Variants in ITPK1 observed in about 807,000 individuals in gnomAD.
ITPK1 encodes inositol-tetrakisphosphate 1-kinase, also known as inositol 1,3,4-trisphosphate 5/6-kinase.
Under a neutral mutation model 45.3 loss-of-function variants are expected in ITPK1, and 21 were observed. The ratio of observed to expected loss-of-function variants is 0.46; its 90% CI spans 0.33 to 0.67. ITPK1 has a LOEUF of 0.67. Ranked by LOEUF, ITPK1 falls within the 30% of genes least tolerant of loss-of-function variation. The probability of loss-of-function intolerance (pLI) is 0.02; values close to 1 mark genes in which losing one functional copy is unlikely to be tolerated. For missense variants in ITPK1, 474 were observed against 573.5 expected, an observed-to-expected ratio of 0.83 and a Z score of 1.77; for synonymous variants, 258 against 253.6, an observed-to-expected ratio of 1.02 and a Z score of -0.16.
At position 92,940,249 on chromosome 14, in the gene ITPK1, A is replaced by C; in HGVS notation, c.*1312T>G. 3 of 986,542 alleles carry C rather than the reference A, an allele frequency of 3.0e-6. No individual in the cohort carries two copies. The highest frequency in any genetic ancestry group is 3.6e-6 in the Non-Finnish European group (3 of 830,706). 61.1% of individuals were successfully genotyped at this position (986,542 alleles called of 1,614,324 possible). A position where few individuals can be genotyped will look rare whatever the true frequency, so the allele number is the denominator to read the frequency against. ...AAGCCTTTTTCACTTTTTCAAAGTAAACTGCTATCTTAAGACACAAAAACA... is the reference window on the plus strand; with the variant it reads ...AAGCCTTTTTCACTTTTTCAAAGTACACTGCTATCTTAAGACACAAAAACA... On this transcript the variant is annotated 3_prime_UTR_variant, in exon 11 of 11. Transcript: ENST00000267615.
At chr14:93,099,447 C>A (rs554937206) in intron 2 of ITPK1, among the ~76,000 whole-genome samples, 1 of 152,158 alleles carries the variant, frequency 6.6e-6, no homozygotes, top group African/African-American at 2.4e-5. Context: ...ACAGCGACAG[C>A]GACAGTGGGG....
At chr14:93,104,489 A>C (rs2140028892) in intron 2 of ITPK1, among the ~76,000 whole-genome samples, 1 of 152,000 alleles carries the variant, frequency 6.6e-6, no homozygotes, top group East Asian at 1.9e-4. Context: ...GAACTCCTTG[A>C]TTTTCCTGAC....
chr14:93,092,670 G>A (rs1891909810), intron 2 of ITPK1, among the ~76,000 whole-genome samples: 2 of 152,232 alleles, frequency 1.3e-5, no homozygotes, highest in African/African-American at 4.8e-5. Context: ...CCAGTAGGTG[G>A]AGGCCAGGGA....
intron 2 of ITPK1, among the ~76,000 whole-genome samples, chr14:93,113,595 T>C (rs1443334059): frequency 1.3e-5 from 2 of 152,222 alleles, no homozygotes; most frequent in African/African-American, 2.4e-5. Context: ...TGTCTTAGAA[T>C]GCCCTTCCCA....
At position 93,076,700 on chromosome 14, in the gene ITPK1, A is replaced by T. The variant is rs1891235192; in HGVS notation, c.96-81T>A. ...TCCGAAGGTTCCCGACAGCCGGCTGAGGGCAGGACCATGAGAGGGTTTCAG... is the reference window on the plus strand; with the variant it reads ...TCCGAAGGTTCCCGACAGCCGGCTGTGGGCAGGACCATGAGAGGGTTTCAG... On this transcript the variant is annotated intron_variant, in intron 2 of 10. Coordinates refer to ENST00000267615, the MANE Select transcript of ITPK1 (RefSeq NM_014216.6). The surrounding 1 kb of genome is among the most constrained non-coding windows in gnomAD (Gnocchi z 4.3). 3 of 1,564,306 alleles carry T rather than the reference A, an allele frequency of 1.9e-6. No individual in the cohort carries two copies. Among genetic ancestry groups the T allele is most frequent in the Non-Finnish European group, 2.6e-6 (3 of 1,135,558 alleles).
At chr14:93,057,233 G>A (rs1374502016) in intron 3 of ITPK1, among the ~76,000 whole-genome samples, 1 of 152,192 alleles carries the variant, frequency 6.6e-6, no homozygotes, top group Non-Finnish European at 1.5e-5. Context: ...AATCCACCAC[G>A]CATACACAGG....
At chr14:93,015,085 G>C (rs1353239577) in intron 4 of ITPK1, among the ~76,000 whole-genome samples, 2 of 152,218 alleles carry the variant, frequency 1.3e-5, no homozygotes, top group Admixed American at 1.3e-4. Flanking sequence ...CAGGGGAGAG[G>C]AAAGTCGCTG....
At chr14:93,083,339 T>C (rs909071877) in intron 2 of ITPK1, among the ~76,000 whole-genome samples, 2 of 151,842 alleles carry the variant, frequency 1.3e-5, no homozygotes, top group African/African-American at 4.8e-5. Context: ...CCGCTCGGGG[T>C]CTCAGCTTTC....
rs764223283 is a variant in ITPK1 at position 92,946,484 on chromosome 14, T to C, written c.748A>G (p.Ile250Val). ...CTCGGCCGCTCGAACACGCCCTCGA[T>C]CTTGTCCAGCTGCCAACATACACAA... ...SSSVLTELDK[I>V]EGVFERPSDE... Residue 250 changes from isoleucine (I) to valine (V), a missense_variant, in exon 10 of 11, where the codon ATC becomes GTC. Physicochemically the swap from Ile to Val is conservative, Grantham distance 29 (BLOSUM62 3). This residue lies in a region of ITPK1 where 367 missense variants were observed against 480.6 expected (regional missense o/e 0.76). Transcript: ENST00000267615. 3 of 1,612,612 alleles carry C rather than the reference T, an allele frequency of 1.9e-6. No homozygotes were observed. Among genetic ancestry groups the C allele is most frequent in the South Asian group, 1.1e-5 (1 of 91,062 alleles).
At chr14:92,966,498 A>G (rs1349312281) in intron 5 of ITPK1, among the ~76,000 whole-genome samples, 1 of 152,244 alleles carries the variant, frequency 6.6e-6, no homozygotes, top group Non-Finnish European at 1.5e-5. Context: ...GAGATTTAAT[A>G]TTGTTAAGTG....
In ITPK1 at chr14:93,063,681, G is replaced by A. The variant is rs1890626930; in HGVS notation, c.120+12914C>T. On this transcript the variant is annotated intron_variant, in intron 3 of 10. Transcript: ENST00000267615. The surrounding 1 kb of genome is among the most constrained non-coding windows in gnomAD (Gnocchi z 4.3). ...GACTCTCACCAGGCAGGCAGTCTTC[G>A]GAGCAGAAGAGGCACTGGCTATGCC... 6.6e-6 allele frequency among the ~76,000 whole-genome samples: 1 copy of A among 152,152 alleles called. No individual in the cohort carries two copies.
chr14:93,050,209 C>T (rs1363679900), intron 3 of ITPK1, among the ~76,000 whole-genome samples: 3 of 152,122 alleles, frequency 2.0e-5, no homozygotes, highest in South Asian at 2.1e-4. Context: ...AAAGAAAGCC[C>T]GGCGGACACA....
At chr14:93,104,461 T>TTAAAAAAAAAA (rs1566788359) in intron 2 of ITPK1, among the ~76,000 whole-genome samples, 2 of 133,682 alleles carry the variant, frequency 1.5e-5, no homozygotes, top group African/African-American at 6.5e-5. Flanking sequence ...AAACTCCATC[T>TTAAAAAAAAAA]CAAAAAAAAA....
chr14:93,065,159 C>T (rs1405395352), intron 3 of ITPK1, among the ~76,000 whole-genome samples: 1 of 152,222 alleles, frequency 6.6e-6, no homozygotes, highest in Non-Finnish European at 1.5e-5. Context: ...AAGCTGGGAC[C>T]TCACTCACTC....
In ITPK1 at chr14:92,988,078, T is replaced by C. The variant is rs1397043106; in HGVS notation, c.364+5802A>G. Among the ~76,000 whole-genome samples, 13 of 152,318 alleles carry C rather than the reference T, an allele frequency of 8.5e-5. No individual in the cohort carries two copies. The East Asian group carries it at 1.9e-3, about 23-fold the overall frequency. ...AGCCTGGGTGGCAGACAACAGCCGA[T>C]GTGAAAACAAAAACAGTGGTGCTCC... On this transcript the variant is annotated intron_variant, in intron 5 of 10. Transcript: ENST00000267615.
At chr14:93,015,513 G>C (rs952744603) in intron 4 of ITPK1, among the ~76,000 whole-genome samples, 1 of 152,200 alleles carries the variant, frequency 6.6e-6, no homozygotes, top group Non-Finnish European at 1.5e-5. Flanking sequence ...GAGGCTCCAC[G>C]AGGTCACAGA....
rs1566678995 is a variant in ITPK1, at chr14:92,938,465, A to G, written c.*3096T>C. ...GCTGCTTTGCTCAGTTGGCTCAAAC[A>G]TGTGACAGCTTCCTACTTCAGTCGG... On this transcript the variant is annotated 3_prime_UTR_variant, in exon 11 of 11. Transcript: ENST00000267615. 2 of 1,608,456 alleles carry G rather than the reference A, an allele frequency of 1.2e-6. No individual in the cohort carries two copies. Among genetic ancestry groups the G allele is most frequent in the Non-Finnish European group, 1.7e-6 (2 of 1,174,808 alleles).
intron 4 of ITPK1, among the ~76,000 whole-genome samples, chr14:92,998,269 C>T (rs1887159967): frequency 6.6e-6 from 1 of 152,188 alleles, no homozygotes; most frequent in African/African-American, 2.4e-5. Context: ...TAGGGCTAAA[C>T]CTGACGCAAG....
At position 92,939,799 on chromosome 14, in the gene ITPK1, G is replaced by A. The variant is rs372501450; in HGVS notation, c.*1762C>T. ...AAAAGGTAAAGCTGTTTTATTAAAC[G>A]TCTTTTAAGGACTGGGAGTATGACA... On this transcript the variant is annotated 3_prime_UTR_variant, in exon 11 of 11. Coordinates refer to ENST00000267615, the MANE Select transcript of ITPK1 (RefSeq NM_014216.6). The A allele has an allele frequency of 2.0e-4, 202 of 985,576 alleles. No homozygotes were observed. In the South Asian group the frequency reaches 7.9e-3, roughly 39 times the overall value. 61.1% of individuals were successfully genotyped at this position (985,576 alleles called of 1,614,324 possible).
Sources: allele counts gnomAD v4.1 joint callset (sites outside exome capture counted in the v4.1 genomes callset), GRCh38; gene constraint gnomAD v4.1.1; regional missense constraint gnomAD v4.1.1; non-coding constraint Gnocchi (gnomAD v3.1); transcripts MANE v1.5; gene names NCBI Gene and HGNC (gene_info 2026-07-23, HGNC 2026-07-21).